RALA: variants seen among roughly 807,000 people sequenced by gnomAD.
RALA encodes the protein RAS like proto-oncogene A, also known as ras-related protein Ral-A.
Under a neutral mutation model 24.0 loss-of-function variants are expected in RALA, and 5 were observed. That is an observed-to-expected ratio of 0.21 (90% CI 0.11 to 0.44). The LOEUF (loss-of-function observed/expected upper bound fraction) is 0.44. Among genes scored for constraint, RALA ranks in the 20% least tolerant of loss-of-function variants. RALA has a pLI of 0.99. For synonymous variants in RALA, 77 were observed against 83.8 expected, an observed-to-expected ratio of 0.92 and a Z score of 0.44; for missense variants, 95 against 241.2, an observed-to-expected ratio of 0.39 and a Z score of 4.01.
intron 1 of RALA, among the ~76,000 whole-genome samples, chr7:39,647,459 A>G (rs1791945948): frequency 6.6e-6 from 1 of 152,218 alleles, no homozygotes; most frequent in South Asian, 2.1e-4. Context: ...TCCTGTAACT[A>G]AAACTTGAGG....
intron 4 of RALA, chr7:39,697,543 G>A (rs1250877574): frequency 4.6e-6 from 2 of 436,654 alleles, no homozygotes; most frequent in Non-Finnish European, 9.2e-6. Context: ...TCCAAGTGGG[G>A]TCTTTCTTCA....
At chr7:39,650,077 T>C (rs73689251) in intron 1 of RALA, among the ~76,000 whole-genome samples, 13,910 of 152,076 alleles carry the variant, frequency 0.091, 1,441 homozygotes, top group African/African-American at 0.25. Flanking sequence ...ATTTTTAAGA[T>C]AGAAAAAAAT....
rs142273047 is a variant in RALA, at chr7:39,630,487, TGTG to T, written c.-38+6666_-38+6668del. On this transcript the variant is annotated intron_variant, in intron 1 of 4. Coordinates refer to ENST00000005257, the MANE Select transcript of RALA (RefSeq NM_005402.4). ...TTGCTAGTCGTCTTTTGGCATTGCT[TGTG>T]GTGATTTTTTGCCATGCAAAAGATT... Among the ~76,000 whole-genome samples the T allele has an allele frequency of 3.8e-3, 578 of 152,298 alleles. 4 individuals carry two copies. Among genetic ancestry groups the T allele is most frequent in the African/African-American group, 0.013 (561 of 41,570 alleles).
In RALA at chr7:39,690,473, C is replaced by T; in HGVS notation, c.206C>T (p.Thr69Ile). 6.2e-7 allele frequency: 1 copy of T among 1,613,956 alleles called. No homozygotes were observed. The highest frequency in any genetic ancestry group is 8.5e-7 in the Non-Finnish European group (1 of 1,179,870). The change falls in exon 3 of 5, where the codon ACA becomes ATA. Residue 69 changes from threonine to isoleucine, a missense_variant. Thr to Ile is a moderately conservative substitution (Grantham distance 89). Coordinates refer to ENST00000005257, the MANE Select transcript of RALA (RefSeq NM_005402.4). The stretch of plus-strand genomic sequence containing the variant: ...GAAGTCCAGATCGATATCTTAGATA[C>T]AGCTGGGCAGGAGGACTACGCTGCA... ...GEEVQIDILD[T>I]AGQEDYAAIR...
intron 4 of RALA, chr7:39,700,223 C>T (rs1249679890): frequency 6.6e-6 from 1 of 152,206 alleles, no homozygotes; most frequent in Non-Finnish European, 1.5e-5. Flanking sequence ...GTCATTTATT[C>T]TGCTTATACA....
At chr7:39,657,749 C>CT (rs1792120752) in intron 1 of RALA, among the ~76,000 whole-genome samples, 1 of 130,920 alleles carries the variant, frequency 7.6e-6, no homozygotes, top group Non-Finnish European at 1.6e-5. Context: ...CAGCAAGAGC[C>CT]TGTCTCCACA....
intron 1 of RALA, among the ~76,000 whole-genome samples, chr7:39,627,035 A>G (rs1312673631): frequency 2.0e-5 from 3 of 151,796 alleles, no homozygotes; most frequent in Admixed American, 6.6e-5. Flanking sequence ...GCACTTTTAA[A>G]TAGGCTTAAT....
intron 4 of RALA, among the ~76,000 whole-genome samples, chr7:39,704,657 T>C (rs569930987): frequency 6.6e-6 from 1 of 151,700 alleles, no homozygotes; most frequent in South Asian, 2.1e-4. Context: ...ATTTTTAGGA[T>C]TTGCTATTTT....
At chr7:39,673,895 G>A (rs1296233290) in intron 1 of RALA, among the ~76,000 whole-genome samples, 1 of 151,988 alleles carries the variant, frequency 6.6e-6, no homozygotes, top group Non-Finnish European at 1.5e-5. Flanking sequence ...TATAATCCCA[G>A]CACTTTGGAA....
intron 2 of RALA, 31 bp from the exon 3 acceptor site, chr7:39,690,351 T>A: frequency 6.4e-7 from 1 of 1,552,938 alleles, no homozygotes; most frequent in Non-Finnish European, 8.8e-7. Flanking sequence ...ACGTAATAAT[T>A]AAAAAATTGG....
At chr7:39,694,403 TG>T (rs1792881568) in intron 3 of RALA, among the ~76,000 whole-genome samples, 3 of 152,326 alleles carry the variant, frequency 2.0e-5, no homozygotes, top group African/African-American at 7.2e-5. Context: ...TGTATTCTCT[TG>T]GTATCTACTG....
intron 1 of RALA, among the ~76,000 whole-genome samples, chr7:39,666,010 T>C (rs1450766392): frequency 6.6e-6 from 1 of 152,210 alleles, no homozygotes; most frequent in South Asian, 2.1e-4. Flanking sequence ...AAAAAGTGTC[T>C]GACACAGAAT....
chr7:39,637,639 T>G (rs553396515), intron 1 of RALA, among the ~76,000 whole-genome samples: 2 of 152,348 alleles, frequency 1.3e-5, no homozygotes, highest in South Asian at 4.1e-4. Context: ...ACTATGTGCT[T>G]CTTTCTAAAT....
chr7:39,643,910 T>C (rs1294499402), intron 1 of RALA, among the ~76,000 whole-genome samples: 1 of 152,180 alleles, frequency 6.6e-6, no homozygotes, highest in African/African-American at 2.4e-5. Context: ...GCAGTGCTGA[T>C]AGAAGAATTC....
chr7:39,680,447 A>C (rs1026046747), intron 1 of RALA, among the ~76,000 whole-genome samples: 2 of 151,460 alleles, frequency 1.3e-5, no homozygotes, highest in African/African-American at 2.4e-5. Flanking sequence ...ATGGTGGTTC[A>C]TGCCTGTAAT....
intron 1 of RALA, among the ~76,000 whole-genome samples, chr7:39,684,875 TATTC>T (rs755658436): frequency 2.0e-5 from 3 of 152,180 alleles, no homozygotes; most frequent in Non-Finnish European, 2.9e-5. Context: ...AACATTTGTG[TATTC>T]ATTCATTCAT....
chr7:39,667,043 T>C (rs776246934), intron 1 of RALA, among the ~76,000 whole-genome samples: 1 of 152,212 alleles, frequency 6.6e-6, no homozygotes, highest in Admixed American at 6.5e-5. Flanking sequence ...TATTTCTGCC[T>C]CACTCCCACT....
chr7:39,634,764 A>G (rs1021946914), intron 1 of RALA, among the ~76,000 whole-genome samples: 2 of 152,182 alleles, frequency 1.3e-5, no homozygotes, highest in Admixed American at 6.5e-5. Flanking sequence ...GAATAAAATA[A>G]AACTTGATCA....
intron 1 of RALA, among the ~76,000 whole-genome samples, chr7:39,681,302 C>CTTTTCTT (rs1792594853): frequency 2.0e-5 from 1 of 50,008 alleles, no homozygotes; most frequent in African/African-American, 8.0e-5. Context: ...CACCCTATTC[C>CTTTTCTT]TTTTTTTTTT....
Sources: gnomAD v4.1 joint callset for allele counts (sites outside exome capture counted in the v4.1 genomes callset) on GRCh38, gnomAD v4.1.1 for gene constraint, MANE v1.5 for transcripts, NCBI Gene and HGNC (gene_info 2026-07-23, HGNC 2026-07-21) for gene names.